The following TCF12 variants were observed in gnomAD, a reference collection of about 807,000 sequenced individuals.
TCF12 encodes DNA-binding protein HTF4.
A neutral mutation model predicts 86.0 loss-of-function variants in TCF12; 45 were observed. The ratio of observed to expected loss-of-function variants is 0.52; its 90% CI spans 0.41 to 0.67. The LOEUF (loss-of-function observed/expected upper bound fraction) is 0.67. Among genes scored for constraint, TCF12 ranks in the 30% least tolerant of loss-of-function variants. The pLI, the probability that TCF12 is intolerant of heterozygous loss-of-function variation, is 0.00. For missense variants in TCF12, 881 were observed against 859.9 expected (o/e 1.02, Z -0.31); for synonymous variants, 330 against 299.6 (o/e 1.10, Z -1.05).
At chr15:57,147,309 T>C (rs1271010423) in intron 5 of TCF12, among the ~76,000 whole-genome samples, 1 of 152,210 alleles carries the variant, frequency 6.6e-6, no homozygotes, top group Non-Finnish European at 1.5e-5. Context: ...TTAACATCAG[T>C]GTAATAGTTA....
chr15:57,045,329 A>T (rs936241677), intron 3 of TCF12, among the ~76,000 whole-genome samples: 3 of 152,062 alleles, frequency 2.0e-5, no homozygotes, highest in Non-Finnish European at 2.9e-5. Flanking sequence ...TAAGATGAAT[A>T]CTGTTTCTTT....
At chr15:57,010,321 G>T (rs564425808) in intron 3 of TCF12, among the ~76,000 whole-genome samples, 1 of 152,222 alleles carries the variant, frequency 6.6e-6, no homozygotes, top group East Asian at 1.9e-4. Flanking sequence ...GCCACGGCAA[G>T]AGGATTGCTT....
intron 3 of TCF12, among the ~76,000 whole-genome samples, chr15:56,968,018 C>G (rs187030602): frequency 6.6e-6 from 1 of 151,920 alleles, no homozygotes; most frequent in Non-Finnish European, 1.5e-5. Flanking sequence ...TGCAGTGGTG[C>G]GATCTTGGCT....
chr15:57,262,883 T>C (rs1263991199), intron 17 of TCF12, among the ~76,000 whole-genome samples: 1 of 152,194 alleles, frequency 6.6e-6, no homozygotes, highest in East Asian at 1.9e-4. Flanking sequence ...ATTAAATTGG[T>C]CATGGGGGTC....
At position 57,123,455 on chromosome 15, in the gene TCF12, T is replaced by C. The variant is rs533650575; in HGVS notation, c.325+31564T>C. Among the ~76,000 whole-genome samples the C allele has an allele frequency of 7.2e-5, 11 of 152,276 alleles. No homozygotes were observed. The South Asian group carries it at 2.3e-3, about 32-fold the overall frequency. ...AAGTATTTTGTTTGAAAGTCTTTCA[T>C]TTCTTCTAATTAGGTAGACAATCTC... is the stretch of plus-strand genomic sequence containing the variant. On this transcript the variant is annotated intron_variant, in intron 5 of 20. Coordinates refer to ENST00000333725, the MANE Select transcript of TCF12 (RefSeq NM_207037.2).
intron 5 of TCF12, among the ~76,000 whole-genome samples, chr15:57,150,685 T>G (rs1417832729): frequency 6.6e-6 from 1 of 151,290 alleles, no homozygotes; most frequent in Non-Finnish European, 1.5e-5. Context: ...GAAACAAGAG[T>G]CCAGGAAATT....
intron 13 of TCF12, among the ~76,000 whole-genome samples, chr15:57,248,705 G>C (rs555578035): frequency 6.6e-6 from 1 of 152,186 alleles, no homozygotes; most frequent in African/African-American, 2.4e-5. Flanking sequence ...ACACTGGAAC[G>C]GGCCAGTCTG....
At chr15:57,039,230 T>C (rs1213186162) in intron 3 of TCF12, among the ~76,000 whole-genome samples, 1 of 152,248 alleles carries the variant, frequency 6.6e-6, no homozygotes, top group Non-Finnish European at 1.5e-5. Flanking sequence ...TTCACTTTTC[T>C]GTGTAATTGA....
chr15:57,243,518 C>T lies in TCF12; in HGVS notation c.1082C>T (p.Ser361Leu). 1 of 1,613,940 alleles carries T rather than the reference C, an allele frequency of 6.2e-7. No individual in the cohort carries two copies. The highest frequency in any genetic ancestry group is 8.5e-7 in the Non-Finnish European group (1 of 1,179,894). Residue 361 changes from serine to leucine, a missense_variant, in exon 13 of 21, where the codon TCA becomes TTA. This residue lies in a region of TCF12 where 766 missense variants were observed against 718.9 expected (regional missense o/e 1.07). Transcript: ENST00000333725. ...AGCAGTAGTTTTCCGTCAAATCCAT[C>T]AACACCAGTTGGATCACCTTCACCT... ...HTSSSFPSNPSTPVGSPSPLT... is the reference protein window; with the variant it reads ...HTSSSFPSNPLTPVGSPSPLT...
chr15:57,255,468 T>C (rs2060304771), intron 16 of TCF12, among the ~76,000 whole-genome samples: 1 of 152,088 alleles, frequency 6.6e-6, no homozygotes, highest in Admixed American at 6.6e-5. Flanking sequence ...AGAGGTATTT[T>C]TTTGTTGTTG....
chr15:57,175,942 T>G (rs1384941490), intron 6 of TCF12, among the ~76,000 whole-genome samples: 2 of 149,472 alleles, frequency 1.3e-5, no homozygotes, highest in African/African-American at 5.2e-5. Flanking sequence ...CCTTGGTAGA[T>G]AAATGCCTTT....
chr15:56,974,857 A>G (rs1347896453), intron 3 of TCF12, among the ~76,000 whole-genome samples: 4 of 151,910 alleles, frequency 2.6e-5, no homozygotes, highest in African/African-American at 7.2e-5. Flanking sequence ...AAGTTTTATC[A>G]TTGGTTAAAT....
At chr15:57,091,720 T>C in intron 4 of TCF12, 69 bp from the exon 5 acceptor site, 1 of 1,109,076 alleles carries the variant, frequency 9.0e-7, no homozygotes, top group Non-Finnish European at 1.4e-6. Flanking sequence ...ATTAGGTGAG[T>C]GTCATTATGC....
rs1389803249 is a variant in TCF12 at position 57,119,454 on chromosome 15, A to G, written c.325+27563A>G. Among the ~76,000 whole-genome samples, 4 of 146,126 alleles carry G rather than the reference A, an allele frequency of 2.7e-5. No individual in the cohort carries two copies. The East Asian group carries it at 5.9e-4, about 22-fold the overall frequency. On this transcript the variant is annotated intron_variant, in intron 5 of 20. Transcript: ENST00000333725. The stretch of plus-strand genomic sequence containing the variant: ...AGGCATGAGCCACCGTACCCGGTCC[A>G]CAGCTTTTTTTTTTTAAGTATCTTC...
intron 3 of TCF12, among the ~76,000 whole-genome samples, chr15:56,955,330 T>C (rs188434480): frequency 0.033 from 5,068 of 151,796 alleles, 316 homozygotes; most frequent in East Asian, 0.29. Context: ...ATGTTCTCAC[T>C]CATAGGTGGG....
intron 18 of TCF12, among the ~76,000 whole-genome samples, chr15:57,265,604 G>T (rs1430047283): frequency 3.9e-5 from 6 of 152,076 alleles, no homozygotes; most frequent in African/African-American, 1.4e-4. Context: ...GTGTATTTTG[G>T]TTTTTATTTA....
chr15:57,267,530 T>C (rs1199059000), intron 18 of TCF12, among the ~76,000 whole-genome samples: 1 of 152,202 alleles, frequency 6.6e-6, no homozygotes, highest in Non-Finnish European at 1.5e-5. Flanking sequence ...GCAAACTTTC[T>C]CTGTAAAGTC....
At chr15:57,056,578 A>AG (rs1567333255) in intron 3 of TCF12, among the ~76,000 whole-genome samples, 8 of 151,746 alleles carry the variant, frequency 5.3e-5, no homozygotes, top group African/African-American at 1.7e-4. Flanking sequence ...TCCAATGTTA[A>AG]CCTCCCACGT....
chr15:57,062,966 T>G (rs1045377556), intron 3 of TCF12, among the ~76,000 whole-genome samples: 1 of 152,056 alleles, frequency 6.6e-6, no homozygotes, highest in South Asian at 2.1e-4. Context: ...TTAAGAGATC[T>G]CCAAGTCTTC....
Sources: allele counts gnomAD v4.1 joint callset (sites outside exome capture counted in the v4.1 genomes callset), GRCh38; gene constraint gnomAD v4.1.1; regional missense constraint gnomAD v4.1.1; transcripts MANE v1.5; gene names NCBI Gene and HGNC (gene_info 2026-07-23, HGNC 2026-07-21).